SIDT1: variants seen among roughly 807,000 people sequenced by gnomAD.
SIDT1 encodes SID1 transmembrane family member 1, also known as SID1 transmembrane family, member 1.
Under a neutral mutation model 107.5 loss-of-function variants are expected in SIDT1, and 101 were observed. The observed-to-expected ratio is 0.94, with a 90% CI of 0.80 to 1.11. The LOEUF (loss-of-function observed/expected upper bound fraction) is 1.11, where lower values mean the gene tolerates loss of function less well. SIDT1 is among the 50% of genes least tolerant of loss of function. The pLI is 0.00. For synonymous variants in SIDT1, 395 were observed against 398.2 expected (o/e 0.99, Z 0.10); for missense variants, 1,076 against 1,058.2 (o/e 1.02, Z -0.23).
intron 1 of SIDT1, among the ~76,000 whole-genome samples, chr3:113,534,067 G>C (rs149487853): frequency 1.3e-5 from 2 of 152,282 alleles, no homozygotes; most frequent in East Asian, 3.9e-4. Flanking sequence ...CGGGGAGAGA[G>C]AGGGAGACAG....
At chr3:113,540,188 C>A (rs1177599783) in intron 1 of SIDT1, among the ~76,000 whole-genome samples, 1 of 151,986 alleles carries the variant, frequency 6.6e-6, no homozygotes, top group Admixed American at 6.6e-5. Context: ...TTTTGAACAA[C>A]CAACTCTCAT....
chr3:113,570,124 C>T (rs900760263), intron 3 of SIDT1, among the ~76,000 whole-genome samples: 4 of 152,236 alleles, frequency 2.6e-5, no homozygotes, highest in South Asian at 2.1e-4. Flanking sequence ...AGACTGGTCT[C>T]GAACCCCTGG....
At chr3:113,569,156 AAAAGGAAGCCAGACAAAAG>A (rs1156559136) in intron 3 of SIDT1, among the ~76,000 whole-genome samples, 90 of 151,368 alleles carry the variant, frequency 5.9e-4, no homozygotes, top group Non-Finnish European at 1.2e-3. Flanking sequence ...AAAAAAAAAA[AAAAGGAAGCCAGACAAAAG>A]AAATGTATGC....
At chr3:113,581,515 C>G in intron 6 of SIDT1, 71 bp downstream of exon 6, 1 of 1,224,002 alleles carries the variant, frequency 8.2e-7, no homozygotes. Flanking sequence ...ACTGGGCCAG[C>G]ATCCAAAAGG....
intron 19 of SIDT1, 187 bp from the exon 20 acceptor site, chr3:113,615,913 C>T: frequency 1.6e-6 from 1 of 618,048 alleles, no homozygotes; most frequent in South Asian, 1.9e-5. Context: ...ACAGATATGG[C>T]ATCCCTCTAT....
At chr3:113,612,634 T>A (rs908203368) in intron 19 of SIDT1, among the ~76,000 whole-genome samples, 4 of 152,226 alleles carry the variant, frequency 2.6e-5, no homozygotes, top group Non-Finnish European at 5.9e-5. Context: ...ATTCTAGGGC[T>A]GGAACTTTTG....
At chr3:113,544,069 A>C (rs74325660) in intron 1 of SIDT1, among the ~76,000 whole-genome samples, 1 of 152,016 alleles carries the variant, frequency 6.6e-6, no homozygotes. Context: ...TCTTTTAATG[A>C]AAAAAGGTTT....
At chr3:113,605,393 T>C (rs1303649765) in intron 14 of SIDT1, among the ~76,000 whole-genome samples, 1 of 152,160 alleles carries the variant, frequency 6.6e-6, no homozygotes, top group Admixed American at 6.5e-5. Context: ...CCCAAAGTAC[T>C]GGGATTACAG....
chr3:113,585,271 G>C lies in SIDT1; in HGVS notation c.1001+1G>C. On this transcript the variant is annotated splice_donor_variant, in intron 9 of 24. Coordinates refer to ENST00000264852, the MANE Select transcript of SIDT1 (RefSeq NM_017699.3). LOFTEE classifies it high-confidence loss of function. ...TTGTTGGGTTTGTTCATTATCTGAG[G>C]TAGGTCAATCTTTTCTAGAAATGTT... The C allele has an allele frequency of 6.2e-7, 1 of 1,602,736 alleles. No individual in the cohort carries two copies. Among genetic ancestry groups the C allele is most frequent in the Non-Finnish European group, 8.5e-7 (1 of 1,169,854 alleles).
chr3:113,604,280 T>C (rs1945168905), intron 13 of SIDT1, among the ~76,000 whole-genome samples: 1 of 152,194 alleles, frequency 6.6e-6, no homozygotes, highest in South Asian at 2.1e-4. Context: ...AGCTGAGTAT[T>C]CTACTCTTGT....
At position 113,544,921 on chromosome 3, in the gene SIDT1, C is replaced by T. The variant is rs546234970; in HGVS notation, c.222+11678C>T. 5.3e-4 allele frequency among the ~76,000 whole-genome samples: 80 copies of T among 152,054 alleles called. 1 individual carries two copies. The South Asian group carries it at 7.5e-3, about 14-fold the overall frequency. On this transcript the variant is annotated intron_variant, in intron 1 of 24. Transcript: ENST00000264852. ...CCTGAGGTGAGGAGTTTGAGACCAG[C>T]CTGACCAACATGGCAAAACCCCGTC...
intron 1 of SIDT1, among the ~76,000 whole-genome samples, chr3:113,560,561 C>A (rs1229066298): frequency 6.6e-6 from 1 of 152,042 alleles, no homozygotes; most frequent in Non-Finnish European, 1.5e-5. Flanking sequence ...GCGAACACAA[C>A]CAAACACAGC....
chr3:113,535,478 G>T (rs557042244), intron 1 of SIDT1, among the ~76,000 whole-genome samples: 2 of 152,124 alleles, frequency 1.3e-5, no homozygotes, highest in African/African-American at 4.8e-5. Flanking sequence ...AACAAATTTG[G>T]TTTTTATAAA....
Position 113,612,182 on chromosome 3 carries a change from C to T in SIDT1, c.1954C>T (p.Arg652Cys), listed in dbSNP as rs200179202. ...CAGCACCCAGATATATTATATGGGTCGTTTCAAGATAGGTGAGTCACCTGT... is the reference window on the plus strand; with the variant it reads ...CAGCACCCAGATATATTATATGGGTTGTTTCAAGATAGGTGAGTCACCTGT... The part of the protein sequence containing the change: ...ALSTQIYYMG[R>C]FKIDLGIFRR... Residue 652 changes from arginine to cysteine, a missense_variant, in exon 19 of 25, where the codon CGT (arginine) becomes TGT (cysteine). Arg to Cys is a radical substitution (Grantham distance 180). Coordinates refer to ENST00000264852, the MANE Select transcript of SIDT1 (RefSeq NM_017699.3). 36 of 1,610,154 alleles carry T rather than the reference C, an allele frequency of 2.2e-5. 1 individual carries two copies. Among genetic ancestry groups the T allele is most frequent in the South Asian group, 8.8e-5 (8 of 90,944 alleles).
intron 2 of SIDT1, among the ~76,000 whole-genome samples, chr3:113,566,930 A>C (rs777251318): frequency 1.3e-5 from 2 of 152,196 alleles, no homozygotes; most frequent in Non-Finnish European, 2.9e-5. Flanking sequence ...AATAATATTT[A>C]TTGAGCCCTA....
intron 1 of SIDT1, among the ~76,000 whole-genome samples, chr3:113,556,180 A>G (rs1254807754): frequency 1.3e-5 from 2 of 152,218 alleles, no homozygotes; most frequent in Non-Finnish European, 2.9e-5. Context: ...AGGTCTATAT[A>G]TCTTTCTTTA....
chr3:113,557,108 T>C (rs575096423), intron 1 of SIDT1, among the ~76,000 whole-genome samples: 13 of 152,288 alleles, frequency 8.5e-5, no homozygotes, highest in African/African-American at 2.9e-4. Flanking sequence ...GCGCCCGTAA[T>C]CCCAGCTTAT....
At chr3:113,616,278 A>C (rs1946098366) in intron 20 of SIDT1, 102 bp downstream of exon 20, 1 of 894,024 alleles carries the variant, frequency 1.1e-6, no homozygotes, top group Admixed American at 1.8e-5. Context: ...AAAATCAAGA[A>C]GGCCAGATGG....
At chr3:113,551,429 T>C (rs1940215291) in intron 1 of SIDT1, among the ~76,000 whole-genome samples, 1 of 152,218 alleles carries the variant, frequency 6.6e-6, no homozygotes, top group East Asian at 1.9e-4. Context: ...GTTTGAAGCA[T>C]AGCCAGGAAT....
Sources: allele counts gnomAD v4.1 joint callset (sites outside exome capture counted in the v4.1 genomes callset), GRCh38; gene constraint gnomAD v4.1.1; transcripts MANE v1.5; gene names NCBI Gene and HGNC (gene_info 2026-07-23, HGNC 2026-07-21).